Variants in REPS1 observed in about 807,000 individuals in gnomAD.
REPS1 encodes ralBP1-associated Eps domain-containing protein 1.
REPS1 carries 39 observed loss-of-function variants against 100.9 expected under a neutral mutation model. The observed-to-expected ratio is 0.39, with a 90% CI of 0.30 to 0.50. The LOEUF (loss-of-function observed/expected upper bound fraction) is 0.50, where lower values mean the gene tolerates loss of function less well. Among genes scored for constraint, REPS1 ranks in the 20% least tolerant of loss-of-function variants. The probability of loss-of-function intolerance (pLI) is 0.86; values close to 1 mark genes in which losing one functional copy is unlikely to be tolerated. For synonymous variants in REPS1, 324 were observed against 340.3 expected, an observed-to-expected ratio of 0.95 and a Z score of 0.53; for missense variants, 821 against 968.5, an observed-to-expected ratio of 0.85 and a Z score of 2.02.
rs1431984680 is a variant in REPS1 at position 138,987,725 on chromosome 6, T to C, written c.-43A>G. ...GGCCGCCCCGCCCCGCATGCACTAC[T>C]CGGGGCCCGGCCCCAGGAACCTGGG... On this transcript the variant is annotated 5_prime_UTR_variant, in exon 1 of 20. Transcript: ENST00000450536. The C allele has an allele frequency of 1.2e-5, 18 of 1,479,120 alleles. No homozygotes were observed. Among genetic ancestry groups the C allele is most frequent in the Non-Finnish European group, 1.4e-5 (16 of 1,110,568 alleles). The allele number at this position is 1,479,120 out of a possible 1,614,324, so 91.6% of individuals were successfully genotyped here.
In REPS1 at chr6:138,987,925, T is replaced by A; in HGVS notation, c.-243A>T. 1 of 376,218 alleles carries A rather than the reference T, an allele frequency of 2.7e-6. No homozygotes were observed. The allele number at this position is 376,218 out of a possible 1,614,324, so 23.3% of individuals were successfully genotyped here. On this transcript the variant is annotated 5_prime_UTR_variant, in exon 1 of 20. Coordinates refer to ENST00000450536, the MANE Select transcript of REPS1 (RefSeq NM_001286611.2). ...CCCGGCGCGCGGCTGCGGCTGCGGC[T>A]GCGACTACGGCTCCGGCTCCGGCTC...
intron 1 of REPS1, among the ~76,000 whole-genome samples, chr6:138,972,801 G>A (rs1475502906): frequency 1.3e-5 from 2 of 151,932 alleles, no homozygotes; most frequent in African/African-American, 2.4e-5. Context: ...AAGTATTAAC[G>A]AGAATATTCA....
intron 1 of REPS1, among the ~76,000 whole-genome samples, chr6:138,982,943 C>T (rs145599483): frequency 0.011 from 1,624 of 152,326 alleles, 13 homozygotes; most frequent in Middle Eastern, 0.051. Context: ...ATACATTAAA[C>T]TACTTACTAC....
rs1169871252 is a variant in REPS1 at position 138,920,336 on chromosome 6, T to TA, written c.1427-21dup. On this transcript the variant is annotated intron_variant, in intron 11 of 19. Transcript: ENST00000450536. ...TATGATCTAATAGAGAATTAATAGG[T>TA]AAAAATACAAGACATAGGTATTTGA... The TA allele has an allele frequency of 4.6e-6, 6 of 1,313,056 alleles. No homozygotes were observed. The highest frequency in any genetic ancestry group is 6.6e-6 in the Non-Finnish European group (6 of 907,128). 81.3% of individuals were successfully genotyped at this position (1,313,056 alleles called of 1,614,324 possible).
rs1302378224 is a variant in REPS1 at position 138,904,797 on chromosome 6, G to A, written c.*267C>T. On this transcript the variant is annotated 3_prime_UTR_variant, in exon 20 of 20. Transcript: ENST00000450536. ...TTGGTGTGTGGTATTAGCCATAGAA[G>A]CATTGCATATCCCAGATGCTAGGGA... 1 of 310,042 alleles carries A rather than the reference G, an allele frequency of 3.2e-6. No individual in the cohort carries two copies. The highest frequency in any genetic ancestry group is 6.0e-6 in the Non-Finnish European group (1 of 165,814). 19.2% of individuals were successfully genotyped at this position (310,042 alleles called of 1,614,324 possible).
At chr6:138,947,695 C>G in intron 2 of REPS1, 95 bp downstream of exon 2, 1 of 1,151,552 alleles carries the variant, frequency 8.7e-7, no homozygotes. Context: ...ACAAATGCCA[C>G]TATAAGATCA....
intron 1 of REPS1, among the ~76,000 whole-genome samples, chr6:138,968,677 A>G (rs992077986): frequency 6.6e-6 from 1 of 152,256 alleles, no homozygotes; most frequent in Non-Finnish European, 1.5e-5. Context: ...TCATGTATAA[A>G]TGGAAAATTC....
intron 1 of REPS1, among the ~76,000 whole-genome samples, chr6:138,982,899 T>C (rs1037381724): frequency 2.6e-5 from 4 of 152,220 alleles, no homozygotes; most frequent in African/African-American, 9.6e-5. Context: ...AATCTCCCTC[T>C]TTCTCTGAAG....
chr6:138,969,093 T>C (rs1032715481), intron 1 of REPS1, among the ~76,000 whole-genome samples: 3 of 152,132 alleles, frequency 2.0e-5, no homozygotes, highest in Non-Finnish European at 4.4e-5. Flanking sequence ...CTGGTTATTA[T>C]ACCTAGTAGC....
intron 18 of REPS1, 138 bp downstream of exon 18, chr6:138,908,530 A>T (rs1485266331): frequency 1.2e-6 from 1 of 868,016 alleles, no homozygotes; most frequent in African/African-American, 1.7e-5. Flanking sequence ...CCTGACCACA[A>T]ATGATCTGCC....
chr6:138,908,400 T>C (rs575378476), intron 18 of REPS1, among the ~76,000 whole-genome samples: 8 of 152,104 alleles, frequency 5.3e-5, no homozygotes, highest in Non-Finnish European at 7.4e-5. Flanking sequence ...GTTCAAGCAA[T>C]TCTCCTACCT....
intron 9 of REPS1, chr6:138,927,209 A>G (rs1370421377): frequency 6.6e-6 from 1 of 152,142 alleles, no homozygotes; most frequent in Non-Finnish European, 1.5e-5. Flanking sequence ...TGCGGCCACA[A>G]TGAGAGCAAA....
At chr6:138,968,814 G>T (rs1784155652) in intron 1 of REPS1, among the ~76,000 whole-genome samples, 1 of 152,112 alleles carries the variant, frequency 6.6e-6, no homozygotes. Context: ...TTTATTAAAA[G>T]AAGAGAGCAA....
chr6:138,927,607 T>C (rs1781218854), intron 9 of REPS1: 1 of 152,130 alleles, frequency 6.6e-6, no homozygotes, highest in Admixed American at 6.5e-5. Context: ...ATAGTGACAT[T>C]TAAGTTGAGA....
intron 8 of REPS1, among the ~76,000 whole-genome samples, chr6:138,937,399 T>C (rs953316676): frequency 6.6e-6 from 1 of 152,204 alleles, no homozygotes. Flanking sequence ...AATTTCTGGA[T>C]GAATATAAGA....
chr6:138,949,025 C>T (rs989484467), intron 1 of REPS1, among the ~76,000 whole-genome samples: 2 of 152,200 alleles, frequency 1.3e-5, no homozygotes, highest in Admixed American at 6.5e-5. Context: ...GGCAGGTTAA[C>T]ACCATCAAGG....
intron 15 of REPS1, among the ~76,000 whole-genome samples, chr6:138,913,988 T>C (rs1268171890): frequency 1.3e-5 from 2 of 152,230 alleles, no homozygotes; most frequent in East Asian, 3.8e-4. Context: ...CTAATTTTGA[T>C]GTGGAAGGGA....
intron 1 of REPS1, among the ~76,000 whole-genome samples, chr6:138,982,533 A>G (rs181465861): frequency 1.9e-4 from 29 of 152,360 alleles, no homozygotes; most frequent in African/African-American, 7.0e-4. Context: ...GGTAAATAGT[A>G]TATCTTTCCT....
At chr6:138,929,919 G>A (rs1241203478) in intron 9 of REPS1, 58 bp downstream of exon 9, 1 of 1,577,146 alleles carries the variant, frequency 6.3e-7, no homozygotes, top group African/African-American at 1.3e-5. Context: ...GCCCTCTTTG[G>A]AACATCTTAC....
Sources: allele counts gnomAD v4.1 joint callset (sites outside exome capture counted in the v4.1 genomes callset), GRCh38; gene constraint gnomAD v4.1.1; transcripts MANE v1.5; gene names NCBI Gene and HGNC (gene_info 2026-07-23, HGNC 2026-07-21).